RANBP17: variants seen among roughly 807,000 people sequenced by gnomAD.
The protein encoded by RANBP17 is RAN binding protein 17.
A neutral mutation model predicts 141.2 loss-of-function variants in RANBP17; 158 were observed. The ratio of observed to expected loss-of-function variants is 1.12; its 90% confidence interval spans 0.98 to 1.28. RANBP17 has a LOEUF of 1.28. RANBP17 is among the 50% of genes most tolerant of loss of function. The pLI is 0.00. For synonymous variants in RANBP17, 430 were observed against 450.0 expected, an observed-to-expected ratio of 0.96 and a Z score of 0.56; for missense variants, 1,438 against 1,290.7, an observed-to-expected ratio of 1.11 and a Z score of -1.75.
chr5:170,865,339 A>G (rs748746047), intron 1 of RANBP17, among the ~76,000 whole-genome samples: 1 of 152,212 alleles, frequency 6.6e-6, no homozygotes, highest in Non-Finnish European at 1.5e-5. Context: ...CTAGGATTAC[A>G]GGAGTGAGCC....
chr5:171,239,343 G>A (rs1764725500), intron 22 of RANBP17, among the ~76,000 whole-genome samples: 4 of 152,256 alleles, frequency 2.6e-5, no homozygotes, highest in Middle Eastern at 6.8e-3. Context: ...CCCTGTGCTG[G>A]TCCTGTGTTT....
At chr5:171,283,169 G>C (rs1247474680) in intron 25 of RANBP17, among the ~76,000 whole-genome samples, 1 of 152,136 alleles carries the variant, frequency 6.6e-6, no homozygotes, top group African/African-American at 2.4e-5. Context: ...AGCCTCCTCT[G>C]GTTTCTAAAA....
chr5:170,987,853 G>T (rs1778250450), intron 14 of RANBP17, among the ~76,000 whole-genome samples: 1 of 151,476 alleles, frequency 6.6e-6, no homozygotes, highest in East Asian at 1.9e-4. Flanking sequence ...TAAAATTATG[G>T]TGTAAGTTAG....
At chr5:171,070,183 T>C (rs1784552918) in intron 14 of RANBP17, among the ~76,000 whole-genome samples, 1 of 152,180 alleles carries the variant, frequency 6.6e-6, no homozygotes, top group Non-Finnish European at 1.5e-5. Context: ...TATCTGAGAA[T>C]GTTCTTACTT....
intron 12 of RANBP17, among the ~76,000 whole-genome samples, chr5:170,933,017 T>A (rs1581177062): frequency 6.6e-6 from 1 of 152,250 alleles, no homozygotes; most frequent in Admixed American, 6.5e-5. Context: ...TCTGGTAGAA[T>A]TCGGCTGTGA....
intron 14 of RANBP17, among the ~76,000 whole-genome samples, chr5:171,114,209 A>G (rs1247728575): frequency 6.6e-6 from 1 of 152,180 alleles, no homozygotes; most frequent in Non-Finnish European, 1.5e-5. Context: ...CTACAGTGTT[A>G]GAACCTTCCT....
chr5:171,017,156 T>C (rs1036056387), intron 14 of RANBP17, among the ~76,000 whole-genome samples: 3 of 152,176 alleles, frequency 2.0e-5, no homozygotes, highest in African/African-American at 4.8e-5. Flanking sequence ...AGTCTATCAT[T>C]GATGGGCATT....
intron 14 of RANBP17, among the ~76,000 whole-genome samples, chr5:170,990,702 T>A (rs1017513436): frequency 1.2e-4 from 18 of 152,148 alleles, no homozygotes; most frequent in African/African-American, 4.1e-4. Context: ...CTCATTTTAA[T>A]TCTGCTTTTC....
chr5:171,095,732 C>G (rs945201425), intron 14 of RANBP17, among the ~76,000 whole-genome samples: 1 of 152,010 alleles, frequency 6.6e-6, no homozygotes, highest in Non-Finnish European at 1.5e-5. Flanking sequence ...CACCCTTGAA[C>G]AACACAGGAG....
chr5:171,240,825 G>C, intron 22 of RANBP17, 103 bp from the exon 23 acceptor site: 2 of 661,154 alleles, frequency 3.0e-6, no homozygotes, highest in Non-Finnish European at 5.1e-6. Flanking sequence ...TATGCTGGGA[G>C]GAAGTGAACA....
At chr5:171,090,504 G>A (rs543643822) in intron 14 of RANBP17, among the ~76,000 whole-genome samples, 1 of 152,162 alleles carries the variant, frequency 6.6e-6, no homozygotes, top group Admixed American at 6.5e-5. Flanking sequence ...TGTTAGAAAA[G>A]AATATCCCAT....
At chr5:171,198,148 G>T (rs772683767) in intron 18 of RANBP17, among the ~76,000 whole-genome samples, 2 of 152,178 alleles carry the variant, frequency 1.3e-5, no homozygotes, top group Non-Finnish European at 2.9e-5. Flanking sequence ...ATTTCACCTG[G>T]GCCTTGAAAA....
chr5:171,056,304 C>CA (rs1305203723), intron 14 of RANBP17, among the ~76,000 whole-genome samples: 1 of 152,080 alleles, frequency 6.6e-6, no homozygotes, highest in African/African-American at 2.4e-5. Flanking sequence ...GAGCACCTGT[C>CA]AAAGTTCTAT....
intron 27 of RANBP17, among the ~76,000 whole-genome samples, chr5:171,297,919 G>T (rs1768925080): frequency 7.4e-6 from 1 of 134,298 alleles, no homozygotes; most frequent in Non-Finnish European, 1.5e-5. Flanking sequence ...GCAGTGGCGT[G>T]ATCTCAGCTC....
intron 22 of RANBP17, among the ~76,000 whole-genome samples, chr5:171,227,824 A>C (rs1457948577): frequency 6.6e-6 from 1 of 152,156 alleles, no homozygotes; most frequent in Non-Finnish European, 1.5e-5. Context: ...AATTATGCTA[A>C]ATCTACTCTG....
intron 14 of RANBP17, among the ~76,000 whole-genome samples, chr5:171,164,240 T>C (rs776172183): frequency 2.6e-5 from 4 of 152,178 alleles, no homozygotes; most frequent in Non-Finnish European, 4.4e-5. Context: ...AATTTAAAGA[T>C]TGACATAATT....
chr5:171,006,786 G>C lies in RANBP17; in HGVS notation c.1710+38409G>C, dbSNP rs189769010. Among the ~76,000 whole-genome samples the C allele has an allele frequency of 1.4e-4, 21 of 151,998 alleles. No homozygotes were observed. In the East Asian group the frequency reaches 3.9e-3, roughly 28 times the overall value. On this transcript the variant is annotated intron_variant, in intron 14 of 27. Transcript: ENST00000523189. ...ATAGGTCGGCCTTCTGGCCCCTCTG[G>C]GTCTAGGGTGGTAAAGCATCTAAGG...
intron 16 of RANBP17, among the ~76,000 whole-genome samples, chr5:171,178,356 CT>C: frequency 6.6e-6 from 1 of 152,066 alleles, no homozygotes; most frequent in African/African-American, 2.4e-5. Flanking sequence ...TGAACTCATC[CT>C]TTTTTATGGC....
At chr5:171,189,877 AAAC>A (rs1761510884) in intron 18 of RANBP17, among the ~76,000 whole-genome samples, 1 of 152,220 alleles carries the variant, frequency 6.6e-6, no homozygotes, top group African/African-American at 2.4e-5. Context: ...ATTGTCATGG[AAAC>A]AAGGAAGAAA....
Sources: allele counts gnomAD v4.1 joint callset (sites outside exome capture counted in the v4.1 genomes callset), GRCh38; gene constraint gnomAD v4.1.1; transcripts MANE v1.5; gene names NCBI Gene and HGNC (gene_info 2026-07-23, HGNC 2026-07-21).